Variants in HIF1AN observed in about 807,000 individuals in gnomAD.
HIF1AN encodes hypoxia inducible factor 1 subunit alpha inhibitor.
HIF1AN carries 21 observed loss-of-function variants against 47.7 expected under a neutral mutation model. The ratio of observed to expected loss-of-function variants is 0.44; its 90% CI spans 0.31 to 0.63. HIF1AN has a LOEUF of 0.63. Among genes scored for constraint, HIF1AN ranks in the 30% least tolerant of loss-of-function variants. HIF1AN has a pLI of 0.07. For missense variants in HIF1AN, 320 were observed against 432.7 expected (o/e 0.74, Z 2.31); for synonymous variants, 152 against 155.9 (o/e 0.98, Z 0.18).
intron 3 of HIF1AN, among the ~76,000 whole-genome samples, chr10:100,542,630 C>T (rs927995127): frequency 1.3e-5 from 2 of 152,156 alleles, no homozygotes; most frequent in Admixed American, 6.5e-5. Flanking sequence ...GCTGGGATTA[C>T]AGGCGTGAGC....
rs1048152133 is a variant in HIF1AN at position 100,551,247 on chromosome 10, A to C, written c.*3110A>C. 1 of 152,228 alleles carries C rather than the reference A, an allele frequency of 6.6e-6. No individual in the cohort carries two copies. Among genetic ancestry groups the C allele is most frequent in the Non-Finnish European group, 1.5e-5 (1 of 68,034 alleles). 9.4% of individuals were successfully genotyped at this position (152,228 alleles called of 1,614,324 possible). A position where few individuals can be genotyped will look rare whatever the true frequency, so the allele number is the denominator to read the frequency against. On this transcript the variant is annotated 3_prime_UTR_variant, in exon 8 of 8. Transcript: ENST00000299163. Reference sequence around the variant, plus strand: ...TTACAAGGTTTTTACCAACGTGAACAGTTGGGGGAAGTCGTCTGCTCTCAT... The same window carrying C: ...TTACAAGGTTTTTACCAACGTGAACCGTTGGGGGAAGTCGTCTGCTCTCAT...
chr10:100,544,235 C>A (rs1316793057), intron 3 of HIF1AN, among the ~76,000 whole-genome samples: 1 of 152,198 alleles, frequency 6.6e-6, no homozygotes, highest in Non-Finnish European at 1.5e-5. Flanking sequence ...GATATTCTTT[C>A]CTCCAATGAA....
chr10:100,547,293 A>G (rs770959799), intron 7 of HIF1AN, 43 bp downstream of exon 7: 2 of 1,172,096 alleles, frequency 1.7e-6, no homozygotes, highest in Non-Finnish European at 2.6e-6. Context: ...GGGTTGACCA[A>G]GGAAAGTCAG....
At chr10:100,542,520 AT>A (rs548605141) in intron 3 of HIF1AN, among the ~76,000 whole-genome samples, 1 of 151,514 alleles carries the variant, frequency 6.6e-6, no homozygotes, top group Non-Finnish European at 1.5e-5. Context: ...CACCTGGCTA[AT>A]TTTTTTTGTA....
Position 100,540,795 on chromosome 10 carries a change from T to C in HIF1AN, c.577+13T>C, listed in dbSNP as rs1843019272. On this transcript the variant is annotated intron_variant, in intron 3 of 7. Transcript: ENST00000299163. Reference sequence around the variant, plus strand: ...ATTGGCATGGAAGGTAAGAAATCTTTCAAAAGCAGCATGGCTTGGAGTCAT... The same window carrying C: ...ATTGGCATGGAAGGTAAGAAATCTTCCAAAAGCAGCATGGCTTGGAGTCAT... The C allele has an allele frequency of 6.2e-7, 1 of 1,600,182 alleles. No individual in the cohort carries two copies. The highest frequency in any genetic ancestry group is 1.8e-5 in the Admixed American group (1 of 55,028).
Position 100,549,405 on chromosome 10 carries a change from CAG to C in HIF1AN, c.*1269_*1270del, listed in dbSNP as rs1300369433. ...CTCATTCACTACCTGTGATCCACCT[CAG>C]GGCACGGGCAAACACATAGGCTTGC... On this transcript the variant is annotated 3_prime_UTR_variant, in exon 8 of 8. Coordinates refer to ENST00000299163, the MANE Select transcript of HIF1AN (RefSeq NM_017902.3). 1 of 152,272 alleles carries C rather than the reference CAG, an allele frequency of 6.6e-6. No individual in the cohort carries two copies. The highest frequency in any genetic ancestry group is 1.5e-5 in the Non-Finnish European group (1 of 68,102). 9.4% of individuals were successfully genotyped at this position (152,272 alleles called of 1,614,324 possible). A position where few individuals can be genotyped will look rare whatever the true frequency, so the allele number is the denominator to read the frequency against.
At chr10:100,544,358 C>G (rs984724875) in intron 3 of HIF1AN, among the ~76,000 whole-genome samples, 5 of 152,166 alleles carry the variant, frequency 3.3e-5, no homozygotes, top group African/African-American at 1.2e-4. Context: ...GGACAGGTCA[C>G]TTGAGCCCAG....
In HIF1AN at chr10:100,557,233, T is replaced by C. The variant is rs1843222034; in HGVS notation, c.*9096T>C. 1 of 152,192 alleles carries C rather than the reference T, an allele frequency of 6.6e-6. No individual in the cohort carries two copies. Among genetic ancestry groups the C allele is most frequent in the Admixed American group, 6.5e-5 (1 of 15,272 alleles). The allele number at this position is 152,192 out of a possible 1,614,324, so 9.4% of individuals were successfully genotyped here. ...GTGGCTGAGTGGAGAGAACACAAGC[T>C]TCTGGCCAGTGAACCTAAGTGAGAA... On this transcript the variant is annotated 3_prime_UTR_variant, in exon 8 of 8. Transcript: ENST00000299163.
chr10:100,554,825 T>TA lies in HIF1AN; in HGVS notation c.*6688_*6689insA. 6.7e-6 allele frequency: 1 copy of TA among 148,656 alleles called. No individual in the cohort carries two copies. Among genetic ancestry groups the TA allele is most frequent in the East Asian group, 2.0e-4 (1 of 5,112 alleles). 9.2% of individuals were successfully genotyped at this position (148,656 alleles called of 1,614,324 possible). Reference sequence around the variant, plus strand: ...CCCTCTCAAAAAAAAAAAAAAAAAATTATGAGTATGTTAAGATTGTTCTAG... The same window carrying TA: ...CCCTCTCAAAAAAAAAAAAAAAAAATATATGAGTATGTTAAGATTGTTCTAG... On this transcript the variant is annotated 3_prime_UTR_variant, in exon 8 of 8. Coordinates refer to ENST00000299163, the MANE Select transcript of HIF1AN (RefSeq NM_017902.3).
In HIF1AN at chr10:100,556,336, A is replaced by C. The variant is rs766825854; in HGVS notation, c.*8199A>C. 6.6e-6 allele frequency: 1 copy of C among 152,194 alleles called. No individual in the cohort carries two copies. Among genetic ancestry groups the C allele is most frequent in the African/African-American group, 2.4e-5 (1 of 41,450 alleles). The allele number at this position is 152,194 out of a possible 1,614,324, so 9.4% of individuals were successfully genotyped here. On this transcript the variant is annotated 3_prime_UTR_variant, in exon 8 of 8. Transcript: ENST00000299163. ...ATACTGGGTGAAAATAAGACATTGG[A>C]GCTGCTGCTCCCCAAGGAGATAAAA...
At chr10:100,540,173 T>C (rs1843011787) in intron 2 of HIF1AN, among the ~76,000 whole-genome samples, 1 of 151,754 alleles carries the variant, frequency 6.6e-6, no homozygotes, top group Admixed American at 6.6e-5. Flanking sequence ...TTTTTTTTTT[T>C]TTAATTTTAT....
In HIF1AN at chr10:100,550,777, G is replaced by A. The variant is rs1042322114; in HGVS notation, c.*2640G>A. On this transcript the variant is annotated 3_prime_UTR_variant, in exon 8 of 8. Transcript: ENST00000299163. ...TTGAATAGGACCCATAACTCCTCCC[G>A]GCATGCTTTTGCATCTATAGAACTG... The A allele has an allele frequency of 1.3e-5, 2 of 152,124 alleles. No homozygotes were observed. The highest frequency in any genetic ancestry group is 2.4e-5 in the African/African-American group (1 of 41,408). 9.4% of individuals were successfully genotyped at this position (152,124 alleles called of 1,614,324 possible). A position where few individuals can be genotyped will look rare whatever the true frequency, so the allele number is the denominator to read the frequency against.
rs372944334 is a variant in HIF1AN, at chr10:100,536,482, G to C, written c.249G>C (p.Glu83Asp). 3.1e-6 allele frequency: 5 copies of C among 1,614,034 alleles called. No individual in the cohort carries two copies. In the African/African-American group the frequency reaches 6.7e-5, roughly 22 times the overall value. ...AATGGGACCTTGAATACCTGCAAGA[G>C]AATATTGGCAATGGAGACTTCTCTG... ...ALKWDLEYLQ[E>D]NIGNGDFSVY... The change falls in exon 2 of 8, where the codon GAG (glutamate) becomes GAC (aspartate). Residue 83 changes from glutamate to aspartate, a missense_variant. By Grantham distance (45) the Glu-to-Asp change is conservative. Coordinates refer to ENST00000299163, the MANE Select transcript of HIF1AN (RefSeq NM_017902.3).
In HIF1AN at chr10:100,535,966, C is replaced by A. The variant is rs777387138; in HGVS notation, c.8C>A (p.Ala3Glu). 3.2e-6 allele frequency: 5 copies of A among 1,548,222 alleles called. No homozygotes were observed. Among genetic ancestry groups the A allele is most frequent in the Non-Finnish European group, 4.4e-6 (5 of 1,147,874 alleles). The change falls in exon 1 of 8, where the codon GCG (alanine) becomes GAG (glutamate). Residue 3 changes from alanine (A) to glutamate (E), a missense_variant. Ala to Glu is a moderately radical substitution (Grantham distance 107). Coordinates refer to ENST00000299163, the MANE Select transcript of HIF1AN (RefSeq NM_017902.3). ...CCGTCCCTGGCGGCGGAGATGGCGG[C>A]GACAGCGGCGGAGGCTGTGGCCTCT... MAATAAEAVASGS... is the reference protein window; with the variant it reads MAETAAEAVASGS...
At position 100,556,922 on chromosome 10, in the gene HIF1AN, C is replaced by G. The variant is rs956800997; in HGVS notation, c.*8785C>G. 6.6e-6 allele frequency: 1 copy of G among 152,214 alleles called. No individual in the cohort carries two copies. The highest frequency in any genetic ancestry group is 2.4e-5 in the African/African-American group (1 of 41,456). The allele number at this position is 152,214 out of a possible 1,614,324, so 9.4% of individuals were successfully genotyped here. On this transcript the variant is annotated 3_prime_UTR_variant, in exon 8 of 8. Coordinates refer to ENST00000299163, the MANE Select transcript of HIF1AN (RefSeq NM_017902.3). ...TCTCTGAAAAGTGTTTCCTTAGTGT[C>G]TGGAGAGACTACAGCAGCAAGGCTT...
intron 2 of HIF1AN, among the ~76,000 whole-genome samples, chr10:100,539,011 T>C: frequency 6.6e-6 from 1 of 150,696 alleles, no homozygotes. Flanking sequence ...GCTCAAGCGA[T>C]CCTCCCACGT....
intron 1 of HIF1AN, 55 bp downstream of exon 1, chr10:100,536,190 T>C: frequency 2.7e-6 from 4 of 1,506,314 alleles, no homozygotes; most frequent in Non-Finnish European, 3.6e-6. Context: ...GGTTGAGAGG[T>C]CAGAGGTGAA....
chr10:100,551,674 A>G lies in HIF1AN; in HGVS notation c.*3537A>G, dbSNP rs183231481. ...TGCCATTTGTGGAAAATGTTTTTGTAATAGTCAACACCCCTCATAGCCCAC... is the reference window on the plus strand; with the variant it reads ...TGCCATTTGTGGAAAATGTTTTTGTGATAGTCAACACCCCTCATAGCCCAC... On this transcript the variant is annotated 3_prime_UTR_variant, in exon 8 of 8. Transcript: ENST00000299163. 6.6e-6 allele frequency: 1 copy of G among 152,346 alleles called. No individual in the cohort carries two copies. The highest frequency in any genetic ancestry group is 6.5e-5 in the Admixed American group (1 of 15,304). 9.4% of individuals were successfully genotyped at this position (152,346 alleles called of 1,614,324 possible).
rs1222042688 is a variant in HIF1AN, at chr10:100,551,420, ACACT to A, written c.*3285_*3288del. ...CAGTGGGCCAGCCCAGTATGGGGAG[ACACT>A]CCCTCCCTCTGCCCCCAGAGACTCC... On this transcript the variant is annotated 3_prime_UTR_variant, in exon 8 of 8. Transcript: ENST00000299163. 3.3e-5 allele frequency: 5 copies of A among 152,186 alleles called. No homozygotes were observed. In the East Asian group the frequency reaches 7.7e-4, roughly 23 times the overall value. The allele number at this position is 152,186 out of a possible 1,614,324, so 9.4% of individuals were successfully genotyped here.
Sources: allele counts gnomAD v4.1 joint callset (sites outside exome capture counted in the v4.1 genomes callset), GRCh38; gene constraint gnomAD v4.1.1; transcripts MANE v1.5; gene names NCBI Gene and HGNC (gene_info 2026-07-23, HGNC 2026-07-21).